Variants in TRHDE observed in about 807,000 individuals in gnomAD.
The protein encoded by TRHDE is thyrotropin-releasing hormone-degrading ectoenzyme.
A neutral mutation model predicts 125.7 loss-of-function variants in TRHDE; 72 were observed. That is an observed-to-expected ratio of 0.57 (90% CI 0.47 to 0.70). The LOEUF is 0.70. Ranked by LOEUF, TRHDE falls within the 30% of genes least tolerant of loss-of-function variation. The probability of loss-of-function intolerance (pLI) is 0.00; values close to 1 mark genes in which losing one functional copy is unlikely to be tolerated. For missense variants in TRHDE, 1,110 were observed against 1,327.1 expected, an observed-to-expected ratio of 0.84 and a Z score of 2.54; for synonymous variants, 509 against 509.1, an observed-to-expected ratio of 1.00 and a Z score of 0.00.
intron 2 of TRHDE, among the ~76,000 whole-genome samples, chr12:72,356,054 A>T (rs751020700): frequency 2.8e-4 from 42 of 151,792 alleles, no homozygotes; most frequent in Non-Finnish European, 1.3e-4. Context: ...ACCCAAAGTA[A>T]TGTAAATTGT....
At chr12:72,163,886 T>G (rs976279699) in intron 2 of TRHDE, among the ~76,000 whole-genome samples, 5 of 151,966 alleles carry the variant, frequency 3.3e-5, no homozygotes, top group Non-Finnish European at 7.4e-5. Context: ...CCGAGGTGGG[T>G]GAATAACCTG....
chr12:72,610,737 T>G (rs1437947345), intron 12 of TRHDE: 1 of 152,142 alleles, frequency 6.6e-6, no homozygotes, highest in East Asian at 1.9e-4. Context: ...GCATCCGACT[T>G]TCAGAAAATA....
At chr12:72,546,782 T>C (rs980061297) in intron 7 of TRHDE, among the ~76,000 whole-genome samples, 1 of 151,586 alleles carries the variant, frequency 6.6e-6, no homozygotes, top group Non-Finnish European at 1.5e-5. Context: ...ATAAAGGCAT[T>C]TGGGTTTCAT....
chr12:72,244,221 A>C (rs908084854), intron 2 of TRHDE, among the ~76,000 whole-genome samples: 1 of 152,134 alleles, frequency 6.6e-6, no homozygotes, highest in Admixed American at 6.5e-5. Context: ...TGCCTACTGG[A>C]TCTTCACCAT....
At chr12:72,238,325 T>TTATATATATATATATATATATATATAC (rs1878396961) in intron 2 of TRHDE, among the ~76,000 whole-genome samples, 1 of 32,256 alleles carries the variant, frequency 3.1e-5, no homozygotes, top group African/African-American at 1.1e-4. Flanking sequence ...TATATATACA[T>TTATATATATATATATATATATATATAC]ATATATATAC....
chr12:72,284,938 CAGGG>C (rs1879825770), intron 1 of TRHDE, among the ~76,000 whole-genome samples: 1 of 152,118 alleles, frequency 6.6e-6, no homozygotes, highest in Non-Finnish European at 1.5e-5. Context: ...AATGAAAAAA[CAGGG>C]TCAGATAGTT....
At chr12:72,558,944 C>T (rs1190045421) in intron 7 of TRHDE, among the ~76,000 whole-genome samples, 1 of 152,026 alleles carries the variant, frequency 6.6e-6, no homozygotes, top group African/African-American at 2.4e-5. Context: ...TTTGGGTAGG[C>T]ACAGGCATGG....
chr12:72,554,148 A>C (rs1174871151), intron 7 of TRHDE, among the ~76,000 whole-genome samples: 1 of 152,052 alleles, frequency 6.6e-6, no homozygotes, highest in Non-Finnish European at 1.5e-5. Flanking sequence ...GCTCCCGGCC[A>C]AGTCCATATA....
At chr12:72,560,973 T>C (rs910003200) in intron 7 of TRHDE, among the ~76,000 whole-genome samples, 4 of 152,250 alleles carry the variant, frequency 2.6e-5, no homozygotes, top group African/African-American at 9.6e-5. Context: ...TGGGTTCATG[T>C]TGAAAAACCT....
intron 3 of TRHDE, among the ~76,000 whole-genome samples, chr12:72,397,116 T>C (rs1565726671): frequency 1.3e-5 from 2 of 152,244 alleles, no homozygotes; most frequent in African/African-American, 4.8e-5. Context: ...CCTACTCTTC[T>C]ACCTTTTTCA....
chr12:72,480,653 G>C (rs941954897), intron 5 of TRHDE, among the ~76,000 whole-genome samples: 1 of 152,050 alleles, frequency 6.6e-6, no homozygotes, highest in African/African-American at 2.4e-5. Flanking sequence ...TTTCTAAGAA[G>C]AAAACACTTA....
rs527882712 is a variant in TRHDE, at chr12:72,669,306, T to C, written c.*6111T>C. The C allele has an allele frequency of 2.0e-5, 3 of 151,956 alleles. No individual in the cohort carries two copies. Among genetic ancestry groups the C allele is most frequent in the Admixed American group, 1.3e-4 (2 of 15,206 alleles). The allele number at this position is 151,956 out of a possible 1,614,324, so 9.4% of individuals were successfully genotyped here. On this transcript the variant is annotated 3_prime_UTR_variant, in exon 19 of 19. Transcript: ENST00000261180. ...ATCTCTGTCATTCTGCTTAGAAGTA[T>C]ACATGGACTGCAATTGCTTAATTTA...
intron 14 of TRHDE, 41 bp from the exon 15 acceptor site, chr12:72,621,603 T>G (rs1443099522): frequency 4.1e-6 from 6 of 1,457,370 alleles, no homozygotes; most frequent in Non-Finnish European, 5.7e-6. Context: ...TGAATTTCCC[T>G]AACTTTCTTT....
At chr12:72,497,653 A>G (rs1877977706) in intron 5 of TRHDE, among the ~76,000 whole-genome samples, 1 of 152,132 alleles carries the variant, frequency 6.6e-6, no homozygotes, top group South Asian at 2.1e-4. Context: ...TTTCCCATTA[A>G]TTCAAATATC....
At chr12:72,106,474 A>G (rs1329561826) in intron 2 of TRHDE, among the ~76,000 whole-genome samples, 2 of 152,138 alleles carry the variant, frequency 1.3e-5, no homozygotes, top group Non-Finnish European at 2.9e-5. Flanking sequence ...ATGAGATTAT[A>G]TATGTATAAG....
At chr12:72,521,164 G>C (rs968339982) in intron 6 of TRHDE, among the ~76,000 whole-genome samples, 2 of 152,122 alleles carry the variant, frequency 1.3e-5, no homozygotes, top group Non-Finnish European at 2.9e-5. Context: ...CCTTTCATCT[G>C]ACCATTTATT....
intron 2 of TRHDE, among the ~76,000 whole-genome samples, chr12:72,198,422 T>C (rs996258979): frequency 2.6e-5 from 4 of 152,204 alleles, no homozygotes; most frequent in Non-Finnish European, 5.9e-5. Context: ...TATTGTTCAC[T>C]TCTGTAATAA....
At chr12:72,571,094 T>G (rs183656238) in intron 10 of TRHDE, among the ~76,000 whole-genome samples, 288 of 152,332 alleles carry the variant, frequency 1.9e-3, no homozygotes, top group Non-Finnish European at 3.6e-3. Flanking sequence ...GTATTAAATT[T>G]TTTTTATGAA....
Position 72,663,757 on chromosome 12 carries a change from A to G in TRHDE, c.*562A>G, listed in dbSNP as rs1341557989. On this transcript the variant is annotated 3_prime_UTR_variant, in exon 19 of 19. Transcript: ENST00000261180. ...TAAAATAGCCCTTGACATGATGAAC[A>G]TCACTTATTTCAGCACTTGGATTGT... 6.6e-6 allele frequency: 1 copy of G among 152,510 alleles called. No individual in the cohort carries two copies. Among genetic ancestry groups the G allele is most frequent in the Admixed American group, 6.6e-5 (1 of 15,242 alleles). The allele number at this position is 152,510 out of a possible 1,614,324, so 9.4% of individuals were successfully genotyped here. A position where few individuals can be genotyped will look rare whatever the true frequency, so the allele number is the denominator to read the frequency against.
Sources: allele counts gnomAD v4.1 joint callset (sites outside exome capture counted in the v4.1 genomes callset), GRCh38; gene constraint gnomAD v4.1.1; transcripts MANE v1.5; gene names NCBI Gene and HGNC (gene_info 2026-07-23, HGNC 2026-07-21).